The following SUMF1 variants were observed in gnomAD, a reference collection of about 807,000 sequenced individuals.
SUMF1 encodes the protein sulfatase modifying factor 1.
SUMF1 carries 48 observed loss-of-function variants against 47.6 expected under a neutral mutation model. The ratio of observed to expected loss-of-function variants is 1.01; its 90% CI spans 0.80 to 1.28. The LOEUF (loss-of-function observed/expected upper bound fraction) is 1.28, where lower values mean the gene tolerates loss of function less well. SUMF1 is among the 50% of genes most tolerant of loss of function. The probability of loss-of-function intolerance (pLI) is 0.00; values close to 1 mark genes in which losing one functional copy is unlikely to be tolerated. For synonymous variants in SUMF1, 230 were observed against 192.1 expected (o/e 1.20, Z -1.63); for missense variants, 571 against 485.4 (o/e 1.18, Z -1.66).
At chr3:4,389,541 G>C (rs12489356) in intron 7 of SUMF1, among the ~76,000 whole-genome samples, 55 of 152,108 alleles carry the variant, frequency 3.6e-4, no homozygotes, top group African/African-American at 1.3e-3. Context: ...TTTTGTGAAG[G>C]ACTCTTCTCA....
At chr3:4,263,305 G>A (rs1025223668) in intron 8 of SUMF1, among the ~76,000 whole-genome samples, 1 of 152,088 alleles carries the variant, frequency 6.6e-6, no homozygotes, top group Non-Finnish European at 1.5e-5. Flanking sequence ...AATGATTTCT[G>A]CTTCATGAAA....
intron 8 of SUMF1, among the ~76,000 whole-genome samples, chr3:4,352,867 G>A (rs762645876): frequency 4.7e-4 from 71 of 152,204 alleles, no homozygotes; most frequent in Non-Finnish European, 4.9e-4. Context: ...CTTCTGAACA[G>A]TTAATTTAAC....
At position 4,173,795 on chromosome 3, in the gene SUMF1, C is replaced by T. The variant is rs146955710; in HGVS notation, c.1015-105050G>A. Among the ~76,000 whole-genome samples the T allele has an allele frequency of 2.2e-3, 341 of 152,138 alleles. 4 individuals carry two copies. Among genetic ancestry groups the T allele is most frequent in the African/African-American group, 8.0e-3 (330 of 41,490 alleles). On this transcript the variant is annotated intron_variant and NMD_transcript_variant, in intron 8 of 12. Coordinates refer to the SUMF1 transcript ENST00000448413. ...AACACAGGAAGAGAAAATCAAACAC[C>T]GCATGTCCCCACTCATAAGTGGGAG... is the stretch of plus-strand genomic sequence containing the variant.
chr3:4,070,071 C>T (rs1695483367), intron 8 of SUMF1, among the ~76,000 whole-genome samples: 1 of 152,186 alleles, frequency 6.6e-6, no homozygotes, highest in African/African-American at 2.4e-5. Flanking sequence ...CCTGAACATT[C>T]CTTTCCATTG....
intron 1 of SUMF1, among the ~76,000 whole-genome samples, chr3:4,464,258 G>A (rs547329402): frequency 6.8e-6 from 1 of 147,262 alleles, no homozygotes; most frequent in Admixed American, 6.9e-5. Context: ...TTCCTCCAAG[G>A]CCTAGCTCAA....
At chr3:4,136,249 A>T (rs1693926880) in intron 8 of SUMF1, among the ~76,000 whole-genome samples, 1 of 152,130 alleles carries the variant, frequency 6.6e-6, no homozygotes, top group Non-Finnish European at 1.5e-5. Context: ...CAGTAACCAA[A>T]ACAGCATGGT....
At chr3:4,139,022 A>G (rs914708867) in intron 8 of SUMF1, among the ~76,000 whole-genome samples, 1 of 152,110 alleles carries the variant, frequency 6.6e-6, no homozygotes, top group Non-Finnish European at 1.5e-5. Context: ...AACCATGCGG[A>G]AAGTATATCA....
intron 8 of SUMF1, among the ~76,000 whole-genome samples, chr3:4,215,968 A>G (rs944368114): frequency 6.6e-6 from 1 of 152,206 alleles, no homozygotes; most frequent in African/African-American, 2.4e-5. Context: ...ATACTGCCCA[A>G]AGTAATTTAT....
At chr3:4,094,841 G>C (rs1010584841) in intron 8 of SUMF1, among the ~76,000 whole-genome samples, 3 of 152,080 alleles carry the variant, frequency 2.0e-5, no homozygotes, top group African/African-American at 7.3e-5. Flanking sequence ...AGAGAAAAGA[G>C]AACTATGTTC....
At position 4,374,528 on chromosome 3, in the gene SUMF1, C is replaced by T. The variant is rs181637237; in HGVS notation, c.1014+1802G>A. The stretch of plus-strand genomic sequence containing the variant: ...GAATTAGGACAGTTAATGTCCTTTA[C>T]TTGCTTAAAATGTTTTTTACAAGCT... On this transcript the variant is annotated intron_variant, in intron 8 of 8. Coordinates refer to ENST00000272902, the MANE Select transcript of SUMF1 (RefSeq NM_182760.4). 1.6e-3 allele frequency among the ~76,000 whole-genome samples: 246 copies of T among 152,258 alleles called. 1 individual carries two copies. The highest frequency in any genetic ancestry group is 5.5e-3 in the African/African-American group (228 of 41,558).
chr3:4,319,091 C>T (rs75166248), intron 8 of SUMF1, among the ~76,000 whole-genome samples: 2 of 152,226 alleles, frequency 1.3e-5, no homozygotes, highest in East Asian at 3.9e-4. Context: ...TGGTAGAAAG[C>T]GAAAACACTA....
intron 8 of SUMF1, among the ~76,000 whole-genome samples, chr3:4,199,073 CA>C (rs1197577282): frequency 1.3e-5 from 2 of 152,010 alleles, no homozygotes; most frequent in East Asian, 3.9e-4. Context: ...TAAATGTATG[CA>C]GTTGTGCAGC....
chr3:4,371,367 G>C (rs1700162066), intron 8 of SUMF1, among the ~76,000 whole-genome samples: 1 of 152,184 alleles, frequency 6.6e-6, no homozygotes, highest in South Asian at 2.1e-4. Flanking sequence ...CTGGACTTGG[G>C]AACAATCCAT....
At chr3:4,434,755 C>T (rs1207083589) in intron 3 of SUMF1, among the ~76,000 whole-genome samples, 3 of 152,096 alleles carry the variant, frequency 2.0e-5, no homozygotes, top group South Asian at 2.1e-4. Flanking sequence ...AGAATGATCA[C>T]GAGCTTTAGG....
intron 8 of SUMF1, among the ~76,000 whole-genome samples, chr3:4,104,358 G>C (rs1015727373): frequency 1.3e-5 from 2 of 151,978 alleles, no homozygotes; most frequent in African/African-American, 4.8e-5. Flanking sequence ...CTCTTTTTCT[G>C]TATAAATTAC....
In SUMF1 at chr3:4,263,670, C is replaced by T. The variant is rs143211887; in HGVS notation, c.1014+112660G>A. ...TCTTTGCCTATAAAATCCTTCTCAT[C>T]TTTAAAGGCCCAATTCAAACACCAC... On this transcript the variant is annotated intron_variant and NMD_transcript_variant, in intron 8 of 12. Transcript: ENST00000448413. Among the ~76,000 whole-genome samples, 217 of 152,298 alleles carry T rather than the reference C, an allele frequency of 1.4e-3. 1 individual carries two copies. Among genetic ancestry groups the T allele is most frequent in the Admixed American group, 0.011 (170 of 15,294 alleles).
intron 8 of SUMF1, among the ~76,000 whole-genome samples, chr3:4,111,874 T>A (rs909646747): frequency 2.0e-5 from 3 of 152,156 alleles, no homozygotes; most frequent in African/African-American, 7.2e-5. Context: ...TAGGTTATTA[T>A]TCATTCATTA....
intron 8 of SUMF1, among the ~76,000 whole-genome samples, chr3:4,296,358 G>A (rs555294057): frequency 1.9e-4 from 29 of 148,796 alleles, no homozygotes; most frequent in Non-Finnish European, 3.6e-4. Context: ...AATTCATAAA[G>A]ATCATATAAC....
intron 8 of SUMF1, among the ~76,000 whole-genome samples, chr3:4,300,253 T>G (rs1030064973): frequency 1.4e-4 from 22 of 152,188 alleles, no homozygotes; most frequent in African/African-American, 5.3e-4. Context: ...GTGAGATGCC[T>G]GCTTCCTCTT....
Sources: allele counts gnomAD v4.1 joint callset (sites outside exome capture counted in the v4.1 genomes callset), GRCh38; gene constraint gnomAD v4.1.1; transcripts MANE v1.5; gene names NCBI Gene and HGNC (gene_info 2026-07-23, HGNC 2026-07-21).